RBFOX1: variants seen among roughly 807,000 people sequenced by gnomAD.
RBFOX1 encodes RNA binding protein fox-1 homolog 1.
A neutral mutation model predicts 57.7 loss-of-function variants in RBFOX1; 8 were observed. That is an observed-to-expected ratio of 0.14 (90% CI 0.08 to 0.25). The LOEUF (loss-of-function observed/expected upper bound fraction) is 0.25, where lower values mean the gene tolerates loss of function less well. Ranked by LOEUF, RBFOX1 falls within the 10% of genes least tolerant of loss-of-function variation. The pLI is 1.00. For synonymous variants in RBFOX1, 326 were observed against 222.4 expected, an observed-to-expected ratio of 1.47 and a Z score of -4.15; for missense variants, 611 against 548.5, an observed-to-expected ratio of 1.11 and a Z score of -1.14.
At chr16:6,762,530 G>A (rs550998950) in intron 3 of RBFOX1, among the ~76,000 whole-genome samples, 47 of 152,114 alleles carry the variant, frequency 3.1e-4, no homozygotes, top group Non-Finnish European at 4.4e-4. Context: ...CAAGGTATAC[G>A]CCCACGGTCG....
chr16:6,255,481 T>G (rs1346201131), intron 1 of RBFOX1, among the ~76,000 whole-genome samples: 1 of 152,086 alleles, frequency 6.6e-6, no homozygotes, highest in African/African-American at 2.4e-5. Flanking sequence ...ATGTATGAGA[T>G]GAGTGCATGC....
intron 3 of RBFOX1, among the ~76,000 whole-genome samples, chr16:6,974,336 C>CTTTTTTTTTTTTTTTTT (rs59299498): frequency 1.0e-4 from 6 of 58,682 alleles, no homozygotes; most frequent in Admixed American, 2.8e-4. Flanking sequence ...TTTTCTTTTT[C>CTTTTTTTTTTTTTTTTT]TTTTTTTTTT....
chr16:6,702,007 C>T (rs753934576), intron 3 of RBFOX1, among the ~76,000 whole-genome samples: 3 of 152,116 alleles, frequency 2.0e-5, no homozygotes, highest in Admixed American at 1.3e-4. Context: ...TGCTTATTAC[C>T]TGGGTGACAA....
rs1555461521 is a variant in RBFOX1 at position 6,412,137 on chromosome 16, A to AC, written c.-64+95080_-64+95081insC. 1.4e-3 allele frequency among the ~76,000 whole-genome samples: 196 copies of AC among 144,618 alleles called. 1 individual carries two copies. Among genetic ancestry groups the AC allele is most frequent in the African/African-American group, 4.9e-3 (188 of 38,192 alleles). 94.9% of individuals were successfully genotyped at this position (144,618 alleles called of 152,430 possible). ...AATAGTGCAAGACTCCATGTAAAAA[A>AC]AAAAAAACAAAAAAACAAAAAAACA... On this transcript the variant is annotated intron_variant, in intron 2 of 15. Transcript: ENST00000550418.
At chr16:7,468,175 G>C (rs1247974461) in intron 4 of RBFOX1, among the ~76,000 whole-genome samples, 4 of 152,122 alleles carry the variant, frequency 2.6e-5, no homozygotes, top group African/African-American at 9.7e-5. Context: ...AAGTTGCTTG[G>C]TACACAGGAT....
At chr16:6,769,660 A>G (rs1337889056) in intron 3 of RBFOX1, among the ~76,000 whole-genome samples, 2 of 152,200 alleles carry the variant, frequency 1.3e-5, no homozygotes, top group Admixed American at 1.3e-4. Context: ...ATACGAGTGT[A>G]TCTTCCATAT....
At chr16:7,056,873 G>C (rs922137046) in intron 4 of RBFOX1, among the ~76,000 whole-genome samples, 10 of 152,146 alleles carry the variant, frequency 6.6e-5, no homozygotes, top group African/African-American at 2.2e-4. Context: ...ACTAGGAAGG[G>C]TGGTTAGGGC....
At position 7,713,225 on chromosome 16, in the gene RBFOX1, C is replaced by T. The variant is rs550257289; in HGVS notation, c.*2480C>T. Reference sequence around the variant, plus strand: ...ACACACATCACGCAATCTGCAAACCCAGAAAATGTGTATATCTGTCTTTAG... The same window carrying T: ...ACACACATCACGCAATCTGCAAACCTAGAAAATGTGTATATCTGTCTTTAG... On this transcript the variant is annotated 3_prime_UTR_variant, in exon 16 of 16. Coordinates refer to ENST00000550418, the MANE Select transcript of RBFOX1 (RefSeq NM_018723.4). The T allele has an allele frequency of 2.5e-4, 38 of 152,264 alleles. No individual in the cohort carries two copies. The highest frequency in any genetic ancestry group is 5.0e-4 in the Non-Finnish European group (34 of 68,036). The allele number at this position is 152,264 out of a possible 1,614,324, so 9.4% of individuals were successfully genotyped here. A position where few individuals can be genotyped will look rare whatever the true frequency, so the allele number is the denominator to read the frequency against.
intron 1 of RBFOX1, among the ~76,000 whole-genome samples, chr16:6,295,135 G>C (rs1023024065): frequency 1.6e-5 from 2 of 126,718 alleles, no homozygotes; most frequent in Non-Finnish European, 3.1e-5. Context: ...TTGAGACGGG[G>C]TATCTCTCTG....
intron 2 of RBFOX1, among the ~76,000 whole-genome samples, chr16:5,534,790 G>A (rs2044631842): frequency 6.6e-6 from 1 of 152,142 alleles, no homozygotes; most frequent in South Asian, 2.1e-4. Flanking sequence ...TTAGATCTAA[G>A]AATCCTGAGT....
chr16:5,461,762 C>T (rs2068794507), intron 1 of RBFOX1, among the ~76,000 whole-genome samples: 1 of 152,096 alleles, frequency 6.6e-6, no homozygotes, highest in Admixed American at 6.6e-5. Flanking sequence ...GGATGGATGG[C>T]CCTGTGTCTG....
At chr16:5,522,672 C>T (rs1230953923) in intron 2 of RBFOX1, among the ~76,000 whole-genome samples, 1 of 152,184 alleles carries the variant, frequency 6.6e-6, no homozygotes, top group Non-Finnish European at 1.5e-5. Context: ...CAGTCTCTCT[C>T]ATCTCTCCAC....
At chr16:6,733,671 T>A (rs769087996) in intron 3 of RBFOX1, among the ~76,000 whole-genome samples, 7 of 152,030 alleles carry the variant, frequency 4.6e-5, no homozygotes, top group African/African-American at 7.2e-5. Context: ...GATGGGCAGG[T>A]CGCATGAGCC....
intron 2 of RBFOX1, among the ~76,000 whole-genome samples, chr16:6,547,637 C>G (rs767300021): frequency 6.6e-6 from 1 of 152,124 alleles, no homozygotes; most frequent in East Asian, 1.9e-4. Flanking sequence ...GACTTACAGA[C>G]TTCTAGAAAT....
chr16:6,715,918 C>G (rs1232618191), intron 3 of RBFOX1, among the ~76,000 whole-genome samples: 1 of 152,160 alleles, frequency 6.6e-6, no homozygotes, highest in Non-Finnish European at 1.5e-5. Context: ...GCCTCATACC[C>G]TGCTTCTCTC....
At chr16:5,791,812 G>C (rs1028429421) in intron 3 of RBFOX1, among the ~76,000 whole-genome samples, 1 of 152,124 alleles carries the variant, frequency 6.6e-6, no homozygotes, top group Non-Finnish European at 1.5e-5. Flanking sequence ...TCCTTTGCTT[G>C]GTTTCCACTT....
chr16:5,836,142 C>T (rs1453493239), intron 3 of RBFOX1, among the ~76,000 whole-genome samples: 2 of 152,202 alleles, frequency 1.3e-5, no homozygotes, highest in Non-Finnish European at 2.9e-5. Flanking sequence ...CCGGGGAGGG[C>T]AGCTCCGTCT....
intron 3 of RBFOX1, among the ~76,000 whole-genome samples, chr16:6,716,338 T>G (rs1194740124): frequency 6.6e-6 from 1 of 152,214 alleles, no homozygotes; most frequent in Non-Finnish European, 1.5e-5. Flanking sequence ...TGACCTTCCC[T>G]CTTGCTCCCT....
intron 4 of RBFOX1, among the ~76,000 whole-genome samples, chr16:7,434,874 G>T (rs890380663): frequency 4.3e-4 from 65 of 152,034 alleles, no homozygotes; most frequent in African/African-American, 1.5e-3. Context: ...TGGGTAGATG[G>T]GATTACAGAC....
Sources: allele counts gnomAD v4.1 joint callset (sites outside exome capture counted in the v4.1 genomes callset), GRCh38; gene constraint gnomAD v4.1.1; transcripts MANE v1.5; gene names NCBI Gene and HGNC (gene_info 2026-07-23, HGNC 2026-07-21).